The following ZNF236 variants were observed in gnomAD, a reference collection of about 807,000 sequenced individuals.
ZNF236 encodes the protein zinc finger protein 236.
A neutral mutation model predicts 191.2 loss-of-function variants in ZNF236; 50 were observed. The observed-to-expected ratio is 0.26, with a 90% confidence interval of 0.21 to 0.33. ZNF236 has a LOEUF of 0.33. Ranked by LOEUF, ZNF236 falls within the 10% of genes least tolerant of loss-of-function variation. The pLI is 1.00. For missense variants in ZNF236, 1,754 were observed against 2,374.5 expected, an observed-to-expected ratio of 0.74 and a Z score of 5.43; for synonymous variants, 907 against 928.8, an observed-to-expected ratio of 0.98 and a Z score of 0.43.
At chr18:76,931,733 C>G (rs1353611311) in intron 25 of ZNF236, among the ~76,000 whole-genome samples, 1 of 152,062 alleles carries the variant, frequency 6.6e-6, no homozygotes, top group Non-Finnish European at 1.5e-5. Context: ...ACTTTTGCAC[C>G]AACGTAATAA....
At chr18:76,860,231 G>A (rs1976173797) in intron 3 of ZNF236, among the ~76,000 whole-genome samples, 1 of 152,148 alleles carries the variant, frequency 6.6e-6, no homozygotes, top group Admixed American at 6.6e-5. Flanking sequence ...GGTTGAAGAT[G>A]TCTGTGCATG....
chr18:76,946,869 C>T (rs1412937697), intron 26 of ZNF236, among the ~76,000 whole-genome samples: 1 of 152,140 alleles, frequency 6.6e-6, no homozygotes, highest in African/African-American at 2.4e-5. Context: ...CATGTAGAGA[C>T]TCTGAGATGT....
At chr18:76,943,636 T>C (rs1968192800) in intron 26 of ZNF236, among the ~76,000 whole-genome samples, 1 of 152,224 alleles carries the variant, frequency 6.6e-6, no homozygotes. Context: ...TAAGTCTAAA[T>C]TTGACTGTGG....
Position 76,927,930 on chromosome 18 carries a change from C to A in ZNF236, c.4418C>A (p.Thr1473Asn), listed in dbSNP as rs762019699. 1 of 1,594,240 alleles carries A rather than the reference C, an allele frequency of 6.3e-7. No individual in the cohort carries two copies. The highest frequency in any genetic ancestry group is 1.1e-5 in the South Asian group (1 of 87,934). ...DSVLTTNSSG[T>N]QDLTQVMTSQ... ...TTTGCTTTGTAATGACAATCAGGGA[C>A]CCAAGACCTCACTCAAGTGATGACT... The change falls in exon 25 of 31, where the codon ACC becomes AAC. Residue 1473 changes from threonine (T) to asparagine (N), a missense_variant. Thr to Asn is a moderately conservative substitution (Grantham distance 65). Coordinates refer to ENST00000320610, the MANE Select transcript of ZNF236 (RefSeq NM_001306089.2). This position sits in a 1 kb window ranked among gnomAD's most constrained non-coding sequence, Gnocchi z 5.4.
At chr18:76,917,866 C>G (rs1039349418) in intron 19 of ZNF236, among the ~76,000 whole-genome samples, 10 of 152,116 alleles carry the variant, frequency 6.6e-5, no homozygotes, top group African/African-American at 2.4e-4. Flanking sequence ...GTATCTTTTT[C>G]TGGAATTTCT....
At chr18:76,952,203 A>G (rs1968426408) in intron 27 of ZNF236, among the ~76,000 whole-genome samples, 1 of 152,248 alleles carries the variant, frequency 6.6e-6, no homozygotes, top group Admixed American at 6.5e-5. Context: ...TCAATTTGTA[A>G]AAACGACAGG....
Position 76,831,123 on chromosome 18 carries a change from A to G in ZNF236, c.55+8461A>G, listed in dbSNP as rs1265647649. ...TCATTCGCATTAGGATATATTTTCTATGTTGTGTATCCCATGGGTTTGGAC... is the reference window on the plus strand; with the variant it reads ...TCATTCGCATTAGGATATATTTTCTGTGTTGTGTATCCCATGGGTTTGGAC... On this transcript the variant is annotated intron_variant, in intron 1 of 30. Coordinates refer to ENST00000320610, the MANE Select transcript of ZNF236 (RefSeq NM_001306089.2). 3.0e-5 allele frequency among the ~76,000 whole-genome samples: 4 copies of G among 135,332 alleles called. No individual in the cohort carries two copies. The South Asian group carries it at 9.9e-4, about 33-fold the overall frequency. The allele number at this position is 135,332 out of a possible 152,430, so 88.8% of individuals were successfully genotyped here. A position where few individuals can be genotyped will look rare whatever the true frequency, so the allele number is the denominator to read the frequency against.
At chr18:76,940,584 A>C (rs1265153281) in intron 26 of ZNF236, among the ~76,000 whole-genome samples, 2 of 152,242 alleles carry the variant, frequency 1.3e-5, no homozygotes, top group Non-Finnish European at 2.9e-5. Context: ...TGTGGGATTG[A>C]GTTTGATGAG....
At chr18:76,929,070 A>G (rs903879729) in intron 25 of ZNF236, among the ~76,000 whole-genome samples, 7 of 148,584 alleles carry the variant, frequency 4.7e-5, no homozygotes, top group African/African-American at 1.7e-4. Flanking sequence ...TTCTAGATGG[A>G]CTCAACCATG....
At chr18:76,913,229 G>A (rs900353209) in intron 17 of ZNF236, among the ~76,000 whole-genome samples, 2 of 152,200 alleles carry the variant, frequency 1.3e-5, no homozygotes, top group African/African-American at 4.8e-5. Flanking sequence ...AGTAACAACT[G>A]AAGGGGAAAT....
chr18:76,858,627 CAG>C (rs1459087804), intron 3 of ZNF236, among the ~76,000 whole-genome samples: 1 of 151,526 alleles, frequency 6.6e-6, no homozygotes, highest in Non-Finnish European at 1.5e-5. Context: ...GAAGAGGGCT[CAG>C]GTGGAGGCGA....
Position 76,964,018 on chromosome 18 carries a change from G to A in ZNF236, c.5419+3163G>A, listed in dbSNP as rs770397220. Among the ~76,000 whole-genome samples the A allele has an allele frequency of 2.0e-4, 30 of 152,102 alleles. 1 individual carries two copies. The highest frequency in any genetic ancestry group is 7.4e-5 in the Non-Finnish European group (5 of 67,980). ...TTTTATTTATGTTTTCAGAGAACCA[G>A]CTTTTTGTTTCAGTTATCTTTTGTT... is the stretch of plus-strand genomic sequence containing the variant. On this transcript the variant is annotated intron_variant, in intron 30 of 30. Transcript: ENST00000320610.
intron 9 of ZNF236, among the ~76,000 whole-genome samples, chr18:76,890,608 G>A (rs543773545): frequency 5.3e-4 from 81 of 152,252 alleles, no homozygotes; most frequent in African/African-American, 1.8e-3. Context: ...AAAATTTGGG[G>A]ATTTTTTTTA....
At chr18:76,958,831 T>C (rs1968590229) in intron 28 of ZNF236, among the ~76,000 whole-genome samples, 1 of 152,196 alleles carries the variant, frequency 6.6e-6, no homozygotes, top group Non-Finnish European at 1.5e-5. Flanking sequence ...CCTCCCAGAC[T>C]GTGCTGGGCC....
Position 76,927,962 on chromosome 18 carries a change from G to A in ZNF236, c.4450G>A (p.Gly1484Ser), listed in dbSNP as rs1373109253. The A allele has an allele frequency of 3.7e-6, 6 of 1,611,220 alleles. No individual in the cohort carries two copies. The highest frequency in any genetic ancestry group is 2.2e-5 in the East Asian group (1 of 44,598). The change falls in exon 25 of 31, where the codon GGT becomes AGT. Residue 1484 changes from glycine to serine, a missense_variant. By Grantham distance (56) the Gly-to-Ser change is moderately conservative. This residue lies in a region of ZNF236 where 606 missense variants were observed against 761.5 expected (regional missense o/e 0.80). Transcript: ENST00000320610. The surrounding 1 kb of genome is among the most constrained non-coding windows in gnomAD (Gnocchi z 5.4). ...QDLTQVMTSQ[G>S]LVSPSGGPHE... ...CCTCACTCAAGTGATGACTTCGCAA[G>A]GTCTAGTGTCCCCCTCCGGCGGTCC...
In ZNF236 at chr18:76,969,116, A is replaced by G. The variant is rs1280171149; in HGVS notation, c.*777A>G. ...GAAGCACAAGCCATACATCGCAGGTAGGAAACCACAGAACCGTCTGCAAGG... is the reference window on the plus strand; with the variant it reads ...GAAGCACAAGCCATACATCGCAGGTGGGAAACCACAGAACCGTCTGCAAGG... On this transcript the variant is annotated 3_prime_UTR_variant, in exon 31 of 31. Transcript: ENST00000320610. 9.6e-6 allele frequency: 4 copies of G among 418,670 alleles called. No homozygotes were observed. Among genetic ancestry groups the G allele is most frequent in the Admixed American group, 1.3e-4 (2 of 15,582 alleles). The allele number at this position is 418,670 out of a possible 1,614,324, so 25.9% of individuals were successfully genotyped here.
intron 9 of ZNF236, among the ~76,000 whole-genome samples, chr18:76,890,771 T>A (rs947406932): frequency 6.6e-6 from 1 of 152,322 alleles, no homozygotes; most frequent in Admixed American, 6.5e-5. Context: ...TTAAAGATGA[T>A]AGCATTTTGT....
At chr18:76,908,273 C>T (rs769246818) in intron 13 of ZNF236, 47 bp from the exon 14 acceptor site, 3 of 1,573,978 alleles carry the variant, frequency 1.9e-6, no homozygotes, top group Non-Finnish European at 2.6e-6. Flanking sequence ...AGGCAAGTAA[C>T]CTTTGACAGC....
In ZNF236 at chr18:76,851,027, C is replaced by CTT. The variant is rs1252982082; in HGVS notation, c.199-736_199-735dup. On this transcript the variant is annotated intron_variant, in intron 2 of 30. Coordinates refer to ENST00000320610, the MANE Select transcript of ZNF236 (RefSeq NM_001306089.2). ...TGAATTTATACGCAGCTTTTTCTTT[C>CTT]TTTTTTTTTTTTTAAAAAAAAGCTT... is the stretch of plus-strand genomic sequence containing the variant. Among the ~76,000 whole-genome samples the CTT allele has an allele frequency of 5.1e-3, 666 of 131,716 alleles. 10 individuals carry two copies. Among genetic ancestry groups the CTT allele is most frequent in the African/African-American group, 0.017 (624 of 36,570 alleles). 86.4% of individuals were successfully genotyped at this position (131,716 alleles called of 152,430 possible).
Sources: gnomAD v4.1 joint callset for allele counts (sites outside exome capture counted in the v4.1 genomes callset) on GRCh38, gnomAD v4.1.1 for gene constraint, gnomAD v4.1.1 regional missense constraint, Gnocchi (gnomAD v3.1) non-coding constraint, MANE v1.5 for transcripts, NCBI Gene and HGNC (gene_info 2026-07-23, HGNC 2026-07-21) for gene names.